The following USP24 variants were observed in gnomAD, a reference collection of about 807,000 sequenced individuals.
The protein encoded by USP24 is ubiquitin carboxyl-terminal hydrolase 24.
USP24 carries 97 observed loss-of-function variants against 361.6 expected under a neutral mutation model. The observed-to-expected ratio is 0.27, with a 90% CI of 0.23 to 0.32. The LOEUF is 0.32. Ranked by LOEUF, USP24 falls within the 10% of genes least tolerant of loss-of-function variation. The probability of loss-of-function intolerance (pLI) is 1.00; values close to 1 mark genes in which losing one functional copy is unlikely to be tolerated. For missense variants in USP24, 2,353 were observed against 3,165.6 expected, an observed-to-expected ratio of 0.74 and a Z score of 6.16; for synonymous variants, 1,098 against 1,124.6, an observed-to-expected ratio of 0.98 and a Z score of 0.47.
intron 20 of USP24, 22 bp from the exon 21 acceptor site, chr1:55,144,225 T>C (rs757917234): frequency 6.8e-7 from 1 of 1,480,970 alleles, no homozygotes; most frequent in Non-Finnish European, 9.3e-7. Context: ...GAATGCCAAA[T>C]AAATTCATGT....
chr1:55,123,876 A>T (rs1317059857), intron 35 of USP24, among the ~76,000 whole-genome samples: 1 of 152,228 alleles, frequency 6.6e-6, no homozygotes, highest in Non-Finnish European at 1.5e-5. Flanking sequence ...GGCATGAGGG[A>T]GCCCTCCAGA....
At chr1:55,209,557 T>A (rs116223187) in intron 1 of USP24, among the ~76,000 whole-genome samples, 104 of 152,340 alleles carry the variant, frequency 6.8e-4, no homozygotes, top group African/African-American at 2.5e-3. Context: ...GCTCATCACC[T>A]TGTGTTTAGA....
intron 63 of USP24, 104 bp from the exon 64 acceptor site, chr1:55,074,010 T>C (rs911094435): frequency 4.8e-6 from 4 of 833,466 alleles, no homozygotes; most frequent in African/African-American, 3.7e-5. Context: ...ACTATTTTAA[T>C]AAACAGATAA....
chr1:55,185,761 G>C (rs1644113416), intron 1 of USP24, among the ~76,000 whole-genome samples: 1 of 151,230 alleles, frequency 6.6e-6, no homozygotes, highest in Admixed American at 6.6e-5. Context: ...TAGAGACAGG[G>C]ACTCACTATG....
At chr1:55,122,424 C>A (rs141501879) in intron 36 of USP24, among the ~76,000 whole-genome samples, 1 of 152,162 alleles carries the variant, frequency 6.6e-6, no homozygotes, top group Non-Finnish European at 1.5e-5. Context: ...AGTGTCCACC[C>A]CCTTGTAAAG....
chr1:55,172,814 C>T (rs892779196), intron 3 of USP24, among the ~76,000 whole-genome samples: 7 of 152,114 alleles, frequency 4.6e-5, no homozygotes, highest in Admixed American at 3.3e-4. Flanking sequence ...TCAAATGGTG[C>T]CGAGCAAGGT....
chr1:55,154,685 C>G lies in USP24; in HGVS notation c.1540G>C (p.Val514Leu), dbSNP rs761235137. The change falls in exon 13 of 68, where the codon GTT becomes CTT. Residue 514 changes from valine to leucine, a missense_variant. Physicochemically the swap from Val to Leu is conservative, Grantham distance 32 (BLOSUM62 1). This residue lies in a region of USP24 where 386 missense variants were observed against 560.5 expected (regional missense o/e 0.69). Transcript: ENST00000294383. ...TGAACACGTACCTTCTGAATGAGAA[C>G]AAACAAATGATTAAGCTGATCTGAA... ...FNSDQLNHLF[V>L]LIQKSWETES... 1.2e-6 allele frequency: 2 copies of G among 1,612,730 alleles called. No homozygotes were observed. Among genetic ancestry groups the G allele is most frequent in the Admixed American group, 3.3e-5 (2 of 59,848 alleles).
intron 1 of USP24, among the ~76,000 whole-genome samples, chr1:55,196,452 G>A (rs956629082): frequency 3.3e-5 from 5 of 152,096 alleles, no homozygotes; most frequent in Non-Finnish European, 1.5e-5. Context: ...GTAGGGTTGG[G>A]TTTTGGTGTG....
chr1:55,147,031 C>T lies in USP24; in HGVS notation c.2148G>A (p.Ala716=), dbSNP rs375669393. ...ACAGAGTAGCTTCTTGCAAGAAAAA[C>T]GCTAGAAATTTTAGATGTGCCTCTA... ...EYLEAHLKFL[A]FFLQEATLYL... Residue 716 remains alanine (A), a synonymous_variant, in exon 19 of 68, where the codon GCG becomes GCA. Coordinates refer to ENST00000294383, the MANE Select transcript of USP24 (RefSeq NM_015306.3). 9.2e-5 allele frequency: 146 copies of T among 1,590,920 alleles called. 1 individual carries two copies. In the East Asian group the frequency reaches 2.3e-3, roughly 25 times the overall value.
intron 48 of USP24, 85 bp downstream of exon 48, chr1:55,097,513 G>C (rs976957268): frequency 1.3e-6 from 2 of 1,488,256 alleles, no homozygotes; most frequent in African/African-American, 2.9e-5. Context: ...ATGGTAGACA[G>C]AATATGAAAA....
chr1:55,171,506 T>G (rs1292655717), intron 5 of USP24, 50 bp downstream of exon 5: 1 of 1,548,512 alleles, frequency 6.5e-7, no homozygotes, highest in African/African-American at 1.4e-5. Flanking sequence ...CAGAAAATCT[T>G]CTTTTTCAAT....
chr1:55,126,203 C>T (rs955379402), intron 32 of USP24, among the ~76,000 whole-genome samples: 5 of 152,228 alleles, frequency 3.3e-5, no homozygotes, highest in African/African-American at 4.8e-5. Context: ...GCCTCATTCA[C>T]GGTGCCCCAA....
chr1:55,184,710 A>G (rs1644078371), intron 1 of USP24, among the ~76,000 whole-genome samples: 1 of 152,150 alleles, frequency 6.6e-6, no homozygotes, highest in Non-Finnish European at 1.5e-5. Context: ...ACAATTTAAA[A>G]GAAGTGAAAT....
At chr1:55,145,099 G>T (rs986663021) in intron 20 of USP24, among the ~76,000 whole-genome samples, 3 of 152,172 alleles carry the variant, frequency 2.0e-5, no homozygotes, top group African/African-American at 7.2e-5. Flanking sequence ...GTGGCACTTT[G>T]CAAAACAGAC....
At chr1:55,180,491 C>T (rs1182656607) in intron 1 of USP24, among the ~76,000 whole-genome samples, 1 of 152,194 alleles carries the variant, frequency 6.6e-6, no homozygotes. Context: ...CTACAGTCAT[C>T]AAGTCATCCC....
intron 1 of USP24, among the ~76,000 whole-genome samples, chr1:55,181,674 A>T (rs765143079): frequency 1.3e-5 from 2 of 152,196 alleles, no homozygotes; most frequent in Non-Finnish European, 2.9e-5. Context: ...TAATATATCA[A>T]ATCATACATA....
intron 1 of USP24, among the ~76,000 whole-genome samples, chr1:55,199,670 A>G (rs1325086177): frequency 6.6e-6 from 1 of 151,936 alleles, no homozygotes; most frequent in Non-Finnish European, 1.5e-5. Context: ...AAATGTGACA[A>G]AATGTTTGCA....
At chr1:55,198,157 T>G (rs1431226261) in intron 1 of USP24, among the ~76,000 whole-genome samples, 1 of 152,088 alleles carries the variant, frequency 6.6e-6, no homozygotes, top group Non-Finnish European at 1.5e-5. Context: ...AAAATAATTT[T>G]TTTTTTTAAA....
At chr1:55,212,186 T>C (rs1644862000) in intron 1 of USP24, among the ~76,000 whole-genome samples, 1 of 152,234 alleles carries the variant, frequency 6.6e-6, no homozygotes, top group Non-Finnish European at 1.5e-5. Context: ...ATTTCTAAAG[T>C]ATGCTTCTTT....
Sources: allele counts gnomAD v4.1 joint callset (sites outside exome capture counted in the v4.1 genomes callset), GRCh38; gene constraint gnomAD v4.1.1; regional missense constraint gnomAD v4.1.1; transcripts MANE v1.5; gene names NCBI Gene and HGNC (gene_info 2026-07-23, HGNC 2026-07-21).